The following ZFYVE16 variants were observed in gnomAD, a reference collection of about 807,000 sequenced individuals.
The protein encoded by ZFYVE16 is zinc finger FYVE-type containing 16.
Under a neutral mutation model 138.1 loss-of-function variants are expected in ZFYVE16, and 89 were observed. That is an observed-to-expected ratio of 0.64 (90% confidence interval 0.54 to 0.77). The LOEUF (loss-of-function observed/expected upper bound fraction) is 0.77. Ranked by LOEUF, ZFYVE16 falls within the 30% of genes least tolerant of loss-of-function variation. The pLI is 0.00. For missense variants in ZFYVE16, 1,793 were observed against 1,786.7 expected, an observed-to-expected ratio of 1.00 and a Z score of -0.06; for synonymous variants, 596 against 618.3, an observed-to-expected ratio of 0.96 and a Z score of 0.53.
At chr5:80,453,862 C>T (rs1014922505) in intron 11 of ZFYVE16, 1 of 152,160 alleles carries the variant, frequency 6.6e-6, no homozygotes, top group Non-Finnish European at 1.5e-5. Context: ...ATGTTGAGAT[C>T]ACTGGTTTTG....
Position 80,440,496 on chromosome 5 carries a change from A to G in ZFYVE16, c.2419+464A>G, listed in dbSNP as rs887637228. 6.1e-6 allele frequency: 6 copies of G among 985,372 alleles called. No homozygotes were observed. The African/African-American group carries it at 8.7e-5, about 14-fold the overall frequency. 61.0% of individuals were successfully genotyped at this position (985,372 alleles called of 1,614,324 possible). On this transcript the variant is annotated intron_variant, in intron 5 of 18. Transcript: ENST00000505560. The stretch of plus-strand genomic sequence containing the variant: ...ATAAGGTGGTAATATTTATGATTTT[A>G]TAAATTCATAGGACTGCCACACTAT...
chr5:80,433,862 AT>A (rs1299184381), intron 2 of ZFYVE16, among the ~76,000 whole-genome samples: 3 of 152,256 alleles, frequency 2.0e-5, no homozygotes, highest in Admixed American at 2.0e-4. Context: ...CCCATGAGTT[AT>A]TTAGGTAAGT....
chr5:80,421,632 C>G (rs1290232293), intron 1 of ZFYVE16, among the ~76,000 whole-genome samples: 7 of 152,262 alleles, frequency 4.6e-5, no homozygotes, highest in African/African-American at 1.7e-4. Context: ...TCTGAGGGCT[C>G]TGTTCTGTTC....
chr5:80,447,684 G>A (rs1160728977), intron 7 of ZFYVE16, among the ~76,000 whole-genome samples: 2 of 152,142 alleles, frequency 1.3e-5, no homozygotes, highest in African/African-American at 2.4e-5. Flanking sequence ...ATAAGAAGGG[G>A]AGAGACTTGG....
chr5:80,460,329 C>T lies in ZFYVE16; in HGVS notation c.4024+835C>T, dbSNP rs532411312. Among the ~76,000 whole-genome samples the T allele has an allele frequency of 9.9e-5, 15 of 152,106 alleles. No individual in the cohort carries two copies. The East Asian group carries it at 2.3e-3, about 23-fold the overall frequency. ...TTGCGCTTTTTTCTATTGGATTGTG[C>T]GTCTTTTTCTGACTGACTTGTAGTT... is the stretch of plus-strand genomic sequence containing the variant. On this transcript the variant is annotated intron_variant, in intron 15 of 18. Coordinates refer to ENST00000505560, the MANE Select transcript of ZFYVE16 (RefSeq NM_001284236.3).
At chr5:80,448,001 AT>A (rs111272747) in intron 7 of ZFYVE16, 24 bp from the exon 8 acceptor site, 55 of 1,529,906 alleles carry the variant, frequency 3.6e-5, no homozygotes, top group African/African-American at 1.4e-4. Context: ...CTGATTTGTT[AT>A]TTTTTTTATT....
chr5:80,433,990 C>T (rs1392129136), intron 2 of ZFYVE16, 119 bp from the exon 3 acceptor site: 2 of 666,144 alleles, frequency 3.0e-6, no homozygotes, highest in African/African-American at 3.6e-5. Flanking sequence ...TTCCTTAAAG[C>T]AGCACTCTTA....
rs1554050786 is a variant in ZFYVE16 at position 80,465,396 on chromosome 5, C to CTTTGTTT, written c.4024+5906_4024+5912dup. The stretch of plus-strand genomic sequence containing the variant: ...CCATGGTTTCTTTTTTTTTCCTTTT[C>CTTTGTTT]TTTGTTTTTTTTTTTTTTTTTTTTT... On this transcript the variant is annotated intron_variant, in intron 15 of 18. Transcript: ENST00000505560. Among the ~76,000 whole-genome samples, 4 of 26,380 alleles carry CTTTGTTT rather than the reference C, an allele frequency of 1.5e-4. 1 individual carries two copies. Among genetic ancestry groups the CTTTGTTT allele is most frequent in the Non-Finnish European group, 4.2e-4 (4 of 9,538 alleles). The allele number at this position is 26,380 out of a possible 152,430, so 17.3% of individuals were successfully genotyped here. A position where few individuals can be genotyped will look rare whatever the true frequency, so the allele number is the denominator to read the frequency against.
In ZFYVE16 at chr5:80,437,196, G is replaced by C. The variant is rs749456915; in HGVS notation, c.511G>C (p.Asp171His). ...TGGATTGGATTTATCTTCAGTGTCA[G>C]ATACTCCCTGTGTTTCTTCAACAGA... is the stretch of plus-strand genomic sequence containing the variant. ...LIGLDLSSVS[D>H]TPCVSSTDHD... Residue 171 changes from aspartate to histidine, a missense_variant, in exon 4 of 19, where the codon GAT (aspartate) becomes CAT (histidine). Asp to His is a moderately conservative substitution (Grantham distance 81). Around this residue, in one of 2 missense-constraint regions of ZFYVE16, gnomAD observed 1,295 missense variants for 1,204.3 expected, o/e 1.08. Transcript: ENST00000505560. The C allele has an allele frequency of 1.9e-6, 3 of 1,614,024 alleles. No homozygotes were observed. Among genetic ancestry groups the C allele is most frequent in the South Asian group, 1.1e-5 (1 of 91,068 alleles).
At position 80,474,799 on chromosome 5, in the gene ZFYVE16, T is replaced by C; in HGVS notation, c.4430T>C (p.Ile1477Thr). The change falls in exon 18 of 19, where the codon ATT (isoleucine) becomes ACT (threonine). Residue 1477 changes from isoleucine (I) to threonine (T), a missense_variant. Physicochemically the swap from Ile to Thr is moderately conservative, Grantham distance 89 (BLOSUM62 -1). Transcript: ENST00000505560. ...CTAAAAAGTAATGGGATGAATAAAA[T>C]TGGACTCAGAGTTTCCATTGACACT... is the stretch of plus-strand genomic sequence containing the variant. ...KTLKSNGMNK[I>T]GLRVSIDTDM... 4.3e-6 allele frequency: 7 copies of C among 1,613,208 alleles called. No homozygotes were observed. The highest frequency in any genetic ancestry group is 4.5e-5 in the East Asian group (2 of 44,866).
rs1755287937 is a variant in ZFYVE16, at chr5:80,481,970, C to G, written c.*4593C>G. 2.6e-5 allele frequency among the ~76,000 whole-genome samples: 4 copies of G among 152,124 alleles called. 1 individual carries two copies. In the South Asian group the frequency reaches 8.3e-4, roughly 32 times the overall value. The stretch of plus-strand genomic sequence containing the variant: ...GAGTAGCTGTGACTACAGGTGTGTA[C>G]CACCACGCCTAGATAATTTTTTGTA... On this transcript the variant is annotated 3_prime_UTR_variant, in exon 19 of 19. Coordinates refer to ENST00000505560, the MANE Select transcript of ZFYVE16 (RefSeq NM_001284236.3).
chr5:80,447,182 A>G (rs1049990424), intron 7 of ZFYVE16, among the ~76,000 whole-genome samples: 5 of 150,160 alleles, frequency 3.3e-5, no homozygotes, highest in Non-Finnish European at 7.4e-5. Flanking sequence ...GGAGAAAATC[A>G]CTTGAACCCA....
chr5:80,443,389 AAG>A, intron 6 of ZFYVE16, 105 bp downstream of exon 6: 5 of 1,302,196 alleles, frequency 3.8e-6, no homozygotes, highest in Non-Finnish European at 5.3e-6. Flanking sequence ...ACTAGGTATC[AAG>A]AGAGATTTAA....
At position 80,456,180 on chromosome 5, in the gene ZFYVE16, T is replaced by C. The variant is rs1198083697; in HGVS notation, c.3691-281T>C. 4 of 329,906 alleles carry C rather than the reference T, an allele frequency of 1.2e-5. No individual in the cohort carries two copies. The East Asian group carries it at 2.2e-4, about 18-fold the overall frequency. 20.4% of individuals were successfully genotyped at this position (329,906 alleles called of 1,614,324 possible). On this transcript the variant is annotated intron_variant, in intron 12 of 18. Coordinates refer to ENST00000505560, the MANE Select transcript of ZFYVE16 (RefSeq NM_001284236.3). ...ATAGGAAGTGTTGGATTAGATGATA[T>C]CTAAAGTTCCCTTCCACCTATACTT...
rs748670600 is a variant in ZFYVE16, at chr5:80,477,465, T to C, written c.*88T>C. 10 of 1,250,424 alleles carry C rather than the reference T, an allele frequency of 8.0e-6. No individual in the cohort carries two copies. Among genetic ancestry groups the C allele is most frequent in the Non-Finnish European group, 1.1e-5 (10 of 932,212 alleles). 77.5% of individuals were successfully genotyped at this position (1,250,424 alleles called of 1,614,324 possible). A position where few individuals can be genotyped will look rare whatever the true frequency, so the allele number is the denominator to read the frequency against. Reference sequence around the variant, plus strand: ...GCTGAAATGCCACAAACACTAAAAGTATAAATATGTCTGATTTTTGAAACA... The same window carrying C: ...GCTGAAATGCCACAAACACTAAAAGCATAAATATGTCTGATTTTTGAAACA... On this transcript the variant is annotated 3_prime_UTR_variant, in exon 19 of 19. Transcript: ENST00000505560.
At chr5:80,420,099 C>T (rs1746896361) in intron 1 of ZFYVE16, among the ~76,000 whole-genome samples, 1 of 147,248 alleles carries the variant, frequency 6.8e-6, no homozygotes, top group Non-Finnish European at 1.5e-5. Flanking sequence ...CGTGAGCCAG[C>T]GCGCCTGGCT....
chr5:80,410,951 T>C (rs898214800), intron 1 of ZFYVE16, among the ~76,000 whole-genome samples: 2 of 151,418 alleles, frequency 1.3e-5, no homozygotes, highest in African/African-American at 2.4e-5. Flanking sequence ...CCTTTTTTTT[T>C]TAAATTTATT....
At chr5:80,473,493 AG>A in intron 16 of ZFYVE16, among the ~76,000 whole-genome samples, 1 of 152,158 alleles carries the variant, frequency 6.6e-6, no homozygotes, top group East Asian at 1.9e-4. Context: ...CTTTTCTATT[AG>A]ACTATCTAAG....
intron 15 of ZFYVE16, among the ~76,000 whole-genome samples, chr5:80,470,102 T>TGTGTA (rs1491134484): frequency 4.9e-5 from 1 of 20,296 alleles, no homozygotes; most frequent in African/African-American, 7.6e-5. Context: ...TGTGTGTGTA[T>TGTGTA]TTTTTTTTTT....
Sources: allele counts gnomAD v4.1 joint callset (sites outside exome capture counted in the v4.1 genomes callset), GRCh38; gene constraint gnomAD v4.1.1; regional missense constraint gnomAD v4.1.1; transcripts MANE v1.5; gene names NCBI Gene and HGNC (gene_info 2026-07-23, HGNC 2026-07-21).